The following ZC3H13 variants were observed in gnomAD, a reference collection of about 807,000 sequenced individuals.
The protein encoded by ZC3H13 is zinc finger CCCH domain-containing protein 13.
A neutral mutation model predicts 204.1 loss-of-function variants in ZC3H13; 64 were observed. The ratio of observed to expected loss-of-function variants is 0.31; its 90% confidence interval spans 0.26 to 0.39. ZC3H13 has a LOEUF of 0.39. Among genes scored for constraint, ZC3H13 ranks in the 10% least tolerant of loss-of-function variants. The pLI is 1.00. For synonymous variants in ZC3H13, 667 were observed against 693.7 expected (o/e 0.96, Z 0.60); for missense variants, 1,833 against 2,082.7 (o/e 0.88, Z 2.33).
rs1244474131 is a variant in ZC3H13 at position 46,029,906 on chromosome 13, G to T, written c.340-9349C>A. On this transcript the variant is annotated intron_variant, in intron 4 of 18. Coordinates refer to ENST00000679008, the MANE Select transcript of ZC3H13 (RefSeq NM_001330564.2). Reference sequence around the variant, plus strand: ...TATAAAATGATGGATATGGAAATCTGCTTGACTGAAGGAATCATTTCACTA... The same window carrying T: ...TATAAAATGATGGATATGGAAATCTTCTTGACTGAAGGAATCATTTCACTA... Among the ~76,000 whole-genome samples the T allele has an allele frequency of 4.6e-5, 7 of 152,218 alleles. No individual in the cohort carries two copies. The East Asian group carries it at 1.4e-3, about 29-fold the overall frequency.
At chr13:46,040,740 C>T (rs1180455328) in intron 4 of ZC3H13, among the ~76,000 whole-genome samples, 1 of 152,084 alleles carries the variant, frequency 6.6e-6, no homozygotes, top group East Asian at 1.9e-4. Flanking sequence ...AAAGAGAACA[C>T]TTGTAACTCA....
At chr13:45,992,919 C>T (rs1371674032) in intron 8 of ZC3H13, among the ~76,000 whole-genome samples, 1 of 152,158 alleles carries the variant, frequency 6.6e-6, no homozygotes, top group Non-Finnish European at 1.5e-5. Flanking sequence ...TTCTGAATTA[C>T]ACCACCAGCT....
At chr13:45,963,168 C>A (rs1951814858) in intron 17 of ZC3H13, 2 of 970,666 alleles carry the variant, frequency 2.1e-6, no homozygotes, top group Non-Finnish European at 2.4e-6. Flanking sequence ...GACACTAACA[C>A]ACAGATTAAG....
chr13:45,970,738 C>A (rs1286821345), intron 12 of ZC3H13, among the ~76,000 whole-genome samples: 1 of 152,116 alleles, frequency 6.6e-6, no homozygotes, highest in Admixed American at 6.5e-5. Context: ...GATTTAAATA[C>A]TGTAAGGTGG....
At chr13:46,017,460 C>G (rs1278983472) in intron 5 of ZC3H13, among the ~76,000 whole-genome samples, 1 of 151,504 alleles carries the variant, frequency 6.6e-6, no homozygotes, top group East Asian at 1.9e-4. Flanking sequence ...AAACAATTTG[C>G]AAAATGATGC....
At chr13:46,032,001 C>T (rs949791035) in intron 4 of ZC3H13, among the ~76,000 whole-genome samples, 1 of 152,138 alleles carries the variant, frequency 6.6e-6, no homozygotes, top group Admixed American at 6.5e-5. Flanking sequence ...TCATAATTGC[C>T]AAAACTTGGA....
chr13:46,003,459 AAC>A (rs1424642191), intron 7 of ZC3H13, 123 bp from the exon 8 acceptor site: 2 of 783,960 alleles, frequency 2.6e-6, no homozygotes, highest in Non-Finnish European at 3.9e-6. Context: ...GTATACTACT[AAC>A]CAATATCAAG....
intron 8 of ZC3H13, among the ~76,000 whole-genome samples, chr13:45,990,730 T>C (rs765899704): frequency 1.3e-5 from 2 of 151,920 alleles, no homozygotes; most frequent in Non-Finnish European, 2.9e-5. Context: ...AACAGAAAAA[T>C]CACTGCAAGA....
intron 11 of ZC3H13, chr13:45,976,255 G>C (rs1953039223): frequency 1.0e-6 from 1 of 984,990 alleles, no homozygotes; most frequent in Non-Finnish European, 1.2e-6. Context: ...AGGAGGTGTA[G>C]AACATAGGAG....
rs1193381878 is a variant in ZC3H13, at chr13:45,957,242, C to T, written c.4895G>A (p.Arg1632Gln). ...CCGCTTAAATAACCGAAGACTCAAT[C>T]GAAGTAATTCATTGTCTACCATTGG... ...SAPMVDNELLRLSLRLFKRKT... is the reference protein window; with the variant it reads ...SAPMVDNELLQLSLRLFKRKT... Residue 1632 changes from arginine to glutamine, a missense_variant, in exon 19 of 19, where the codon CGA becomes CAA. Physicochemically the swap from Arg to Gln is conservative, Grantham distance 43 (BLOSUM62 1). This residue lies in a region of ZC3H13 where 211 missense variants were observed against 228.4 expected (regional missense o/e 0.92). Transcript: ENST00000679008. The T allele has an allele frequency of 5.8e-6, 9 of 1,547,616 alleles. No homozygotes were observed. The highest frequency in any genetic ancestry group is 2.7e-5 in the African/African-American group (2 of 72,962).
At chr13:46,003,037 A>G in intron 8 of ZC3H13, 102 bp downstream of exon 8, 1 of 1,165,206 alleles carries the variant, frequency 8.6e-7, no homozygotes, top group Admixed American at 2.4e-5. Context: ...ATTGTAAACA[A>G]AACTAAAAAA....
chr13:45,988,679 G>C, intron 9 of ZC3H13, 108 bp downstream of exon 9: 2 of 1,245,126 alleles, frequency 1.6e-6, no homozygotes, highest in South Asian at 1.5e-5. Context: ...ATTCTAGTCT[G>C]TGTGTTACAG....
At chr13:46,023,046 A>C (rs568230477) in intron 4 of ZC3H13, among the ~76,000 whole-genome samples, 1 of 152,292 alleles carries the variant, frequency 6.6e-6, no homozygotes, top group East Asian at 1.9e-4. Context: ...TTCATCATTA[A>C]TTTTAGATAA....
chr13:45,969,841 A>C lies in ZC3H13; in HGVS notation c.2703T>G (p.Ser901Arg). 6.2e-7 allele frequency: 1 copy of C among 1,611,134 alleles called. No homozygotes were observed. ...GTTCCTGTTCTTCGTAGCGCCTTGAACTCTCTTTCCTTTCTGGTTTACGAT... is the reference window on the plus strand; with the variant it reads ...GTTCCTGTTCTTCGTAGCGCCTTGACCTCTCTTTCCTTTCTGGTTTACGAT... The part of the protein sequence containing the change: ...EEDRKPERKE[S>R]SRRYEEQELK... The change falls in exon 14 of 19, where the codon AGT becomes AGG. Residue 901 changes from serine (S) to arginine (R), a missense_variant. This residue lies in a region of ZC3H13 where 1,574 missense variants were observed against 1,757.2 expected (regional missense o/e 0.90). Coordinates refer to ENST00000679008, the MANE Select transcript of ZC3H13 (RefSeq NM_001330564.2).
chr13:45,984,961 TG>T (rs1219152973), intron 10 of ZC3H13, among the ~76,000 whole-genome samples: 1 of 152,234 alleles, frequency 6.6e-6, no homozygotes, highest in Non-Finnish European at 1.5e-5. Context: ...TTTAATTTAA[TG>T]AACATTTTAT....
Position 45,965,380 on chromosome 13 carries a change from A to G in ZC3H13, c.4374T>C (p.Ala1458=), listed in dbSNP as rs1219358925. 1 of 1,613,766 alleles carries G rather than the reference A, an allele frequency of 6.2e-7. No individual in the cohort carries two copies. Among genetic ancestry groups the G allele is most frequent in the Middle Eastern group, 1.7e-4 (1 of 6,058 alleles). Residue 1458 remains alanine, a synonymous_variant, in exon 16 of 19, where the codon GCT becomes GCC. Coordinates refer to ENST00000679008, the MANE Select transcript of ZC3H13 (RefSeq NM_001330564.2). The part of the protein sequence containing the change: ...LDDAHSLGSG[A]GEGYEPISDD... ...CACTGATTGGCTCGTATCCTTCTCC[A>G]GCACCAGAGCCTAATGAATGTGCAT...
chr13:45,980,574 T>C (rs1318359042), intron 10 of ZC3H13, among the ~76,000 whole-genome samples: 1 of 152,186 alleles, frequency 6.6e-6, no homozygotes, highest in Non-Finnish European at 1.5e-5. Flanking sequence ...ATGCATGCCA[T>C]GGAATACTAT....
In ZC3H13 at chr13:45,985,579, T is replaced by G. The variant is rs1388340399; in HGVS notation, c.1438A>C (p.Arg480=). The change falls in exon 10 of 19, where the codon AGG becomes CGG. Residue 480 remains arginine (R), a synonymous_variant. Coordinates refer to ENST00000679008, the MANE Select transcript of ZC3H13 (RefSeq NM_001330564.2). ...TCTCTGCTATAATCTCTCATCTCCC[T>G]TGAGTCCCGCATGTCTCTGGAGTCT... The part of the protein sequence containing the change: ...LRDSRDMRDS[R]EMRDYSRDTK... The G allele has an allele frequency of 2.8e-5, 45 of 1,613,980 alleles. No individual in the cohort carries two copies. The Admixed American group carries it at 7.3e-4, about 26-fold the overall frequency.
chr13:46,002,065 C>T (rs73186674), intron 8 of ZC3H13, among the ~76,000 whole-genome samples: 1 of 151,316 alleles, frequency 6.6e-6, no homozygotes. Flanking sequence ...GAAAAAAAAT[C>T]AAATAACCCA....
Sources: gnomAD v4.1 joint callset for allele counts (sites outside exome capture counted in the v4.1 genomes callset) on GRCh38, gnomAD v4.1.1 for gene constraint, gnomAD v4.1.1 regional missense constraint, MANE v1.5 for transcripts, NCBI Gene and HGNC (gene_info 2026-07-23, HGNC 2026-07-21) for gene names.